The following DLGAP2 variants were observed in gnomAD, a reference collection of about 807,000 sequenced individuals.
The protein encoded by DLGAP2 is disks large-associated protein 2.
Under a neutral mutation model 100.3 loss-of-function variants are expected in DLGAP2, and 26 were observed. The ratio of observed to expected loss-of-function variants is 0.26; its 90% CI spans 0.19 to 0.36. DLGAP2 has a LOEUF of 0.36. DLGAP2 is among the 10% of genes least tolerant of loss of function. The pLI, the probability that DLGAP2 is intolerant of heterozygous loss-of-function variation, is 1.00. For synonymous variants in DLGAP2, 886 were observed against 630.1 expected, an observed-to-expected ratio of 1.41 and a Z score of -6.08; for missense variants, 1,858 against 1,453.2, an observed-to-expected ratio of 1.28 and a Z score of -4.53.
At position 1,335,563 on chromosome 8, in the gene DLGAP2, G is replaced by A. The variant is rs953680867; in HGVS notation, c.106+76680G>A. ...CTAAATGAGCTCAGAGGAGGAGGGC[G>A]ATTGTTGGTAGGGCAGGGTGCGGTG... On this transcript the variant is annotated intron_variant, in intron 3 of 14. Transcript: ENST00000637795. Among the ~76,000 whole-genome samples the A allele has an allele frequency of 7.9e-5, 12 of 152,294 alleles. No individual in the cohort carries two copies. The South Asian group carries it at 1.9e-3, about 24-fold the overall frequency.
chr8:1,644,343 A>G (rs1360761911), intron 8 of DLGAP2, among the ~76,000 whole-genome samples: 1 of 152,136 alleles, frequency 6.6e-6, no homozygotes, highest in Admixed American at 6.5e-5. Flanking sequence ...GTGGGGTTGC[A>G]AACCCCAGTG....
At chr8:1,306,916 A>G (rs902266660) in intron 3 of DLGAP2, among the ~76,000 whole-genome samples, 4 of 152,216 alleles carry the variant, frequency 2.6e-5, no homozygotes, top group Non-Finnish European at 4.4e-5. Context: ...AGACCTAAAC[A>G]TAAGAGCTAA....
At chr8:1,521,844 G>C (rs1470679391) in intron 4 of DLGAP2, among the ~76,000 whole-genome samples, 1 of 147,226 alleles carries the variant, frequency 6.8e-6, no homozygotes, top group African/African-American at 2.5e-5. Context: ...GAATACTCGG[G>C]GGCAGGTGAT....
intron 3 of DLGAP2, among the ~76,000 whole-genome samples, chr8:1,371,147 G>A (rs114450809): frequency 0.011 from 1,665 of 152,354 alleles, 31 homozygotes; most frequent in African/African-American, 0.038. Context: ...GCTCCTCGAG[G>A]AAGAGAGTAA....
chr8:1,471,994 G>A lies in DLGAP2; in HGVS notation c.107-29372G>A, dbSNP rs138030013. ...TTCATTAAATAAACTTGTATTTAGC[G>A]GTGGTCTCTGTGCCAGGCACTACGT... On this transcript the variant is annotated intron_variant, in intron 3 of 14. Transcript: ENST00000637795. 2.5e-3 allele frequency among the ~76,000 whole-genome samples: 377 copies of A among 152,324 alleles called. 7 individuals are homozygous for A. The highest frequency in any genetic ancestry group is 0.023 in the East Asian group (117 of 5,180).
rs1801671070 is a variant in DLGAP2, at chr8:1,549,251, C to T, written c.798C>T (p.His266=). The change falls in exon 5 of 15, where the codon CAC becomes CAT. Residue 266 remains histidine (H), a synonymous_variant. Coordinates refer to ENST00000637795, the MANE Select transcript of DLGAP2 (RefSeq NM_001346810.2). ...AGGCGGACGGCCGGGCGGACGACCA[C>T]CACCACGCCCACCACGCCAAGCACA... ...GTKADGRADD[H]HHAHHAKHSK... is the part of the protein sequence containing the mutation. The T allele has an allele frequency of 6.2e-7, 1 of 1,609,494 alleles. No homozygotes were observed. Among genetic ancestry groups the T allele is most frequent in the Non-Finnish European group, 8.5e-7 (1 of 1,178,800 alleles).
At chr8:1,079,144 T>A (rs1047156998) in intron 2 of DLGAP2, among the ~76,000 whole-genome samples, 7 of 152,190 alleles carry the variant, frequency 4.6e-5, no homozygotes, top group African/African-American at 1.4e-4. Flanking sequence ...ATTTCTTTGG[T>A]GAGAAGTGGT....
intron 3 of DLGAP2, among the ~76,000 whole-genome samples, chr8:1,352,697 A>C (rs540406374): frequency 6.6e-6 from 1 of 152,244 alleles, no homozygotes; most frequent in South Asian, 2.1e-4. Context: ...CCTTCTTTAC[A>C]TGACTTCTCT....
intron 2 of DLGAP2, among the ~76,000 whole-genome samples, chr8:1,240,273 T>C (rs1798757889): frequency 8.9e-6 from 1 of 112,814 alleles, no homozygotes; most frequent in African/African-American, 2.9e-5. Flanking sequence ...GCGCCGTGTC[T>C]AGTTCTGTTA....
chr8:826,623 G>A (rs868298317), intron 1 of DLGAP2, among the ~76,000 whole-genome samples: 1 of 151,924 alleles, frequency 6.6e-6, no homozygotes, highest in Admixed American at 6.6e-5. Flanking sequence ...TGGGAGCCCT[G>A]CCTTCTGCCT....
At chr8:884,333 C>G (rs1452769449) in intron 1 of DLGAP2, among the ~76,000 whole-genome samples, 2 of 152,184 alleles carry the variant, frequency 1.3e-5, no homozygotes, top group South Asian at 2.1e-4. Context: ...AATTGCCATT[C>G]TGACTGGCAT....
chr8:1,433,297 C>T (rs542213761), intron 3 of DLGAP2, among the ~76,000 whole-genome samples: 1 of 152,368 alleles, frequency 6.6e-6, no homozygotes, highest in Admixed American at 6.5e-5. Flanking sequence ...TCCGAAACAA[C>T]CCCTGTACTG....
In DLGAP2 at chr8:1,676,553, T is replaced by C. The variant is rs994574630; in HGVS notation, c.2223T>C (p.Ser741=). 6.2e-7 allele frequency: 1 copy of C among 1,613,498 alleles called. No individual in the cohort carries two copies. The highest frequency in any genetic ancestry group is 1.3e-5 in the African/African-American group (1 of 75,056). ...ATTAGGTGGAAACGGCCACAGATTC[T>C]GACACGGAGAGCCGCGGTCTGCGGG... ...PRSDVETATD[S]DTESRGLREY... is the part of the protein sequence containing the mutation. The change falls in exon 11 of 15, where the codon TCT becomes TCC. Residue 741 remains serine (S), a synonymous_variant. Transcript: ENST00000637795.
At chr8:1,101,243 T>A (rs1195157306) in intron 2 of DLGAP2, among the ~76,000 whole-genome samples, 1 of 152,136 alleles carries the variant, frequency 6.6e-6, no homozygotes, top group Non-Finnish European at 1.5e-5. Context: ...AACAATTCCT[T>A]AAAATCCAAC....
intron 4 of DLGAP2, among the ~76,000 whole-genome samples, chr8:1,541,921 G>C (rs868185607): frequency 5.3e-5 from 8 of 152,204 alleles, no homozygotes; most frequent in African/African-American, 1.7e-4. Flanking sequence ...CGTTAAGTGA[G>C]AATGAAGGCA....
chr8:1,230,759 A>T (rs541235369), intron 2 of DLGAP2, among the ~76,000 whole-genome samples: 1 of 152,338 alleles, frequency 6.6e-6, no homozygotes, highest in East Asian at 1.9e-4. Context: ...CAATGGGGAA[A>T]GGGCTTCTTA....
At chr8:1,050,271 G>A (rs556449316) in intron 2 of DLGAP2, among the ~76,000 whole-genome samples, 8 of 152,334 alleles carry the variant, frequency 5.3e-5, no homozygotes, top group African/African-American at 1.4e-4. Flanking sequence ...CTTTAGGATG[G>A]TTCAAACATG....
intron 2 of DLGAP2, among the ~76,000 whole-genome samples, chr8:1,148,078 G>C (rs925620281): frequency 6.6e-6 from 1 of 152,152 alleles, no homozygotes; most frequent in African/African-American, 2.4e-5. Flanking sequence ...TATTTCTGGA[G>C]AAGCCATCTA....
chr8:1,453,266 C>A (rs1245087361), intron 3 of DLGAP2, among the ~76,000 whole-genome samples: 1 of 152,052 alleles, frequency 6.6e-6, no homozygotes, highest in Non-Finnish European at 1.5e-5. Flanking sequence ...GCCGGTCAGG[C>A]TGGGGAGAAG....
Sources: gnomAD v4.1 joint callset for allele counts (sites outside exome capture counted in the v4.1 genomes callset) on GRCh38, gnomAD v4.1.1 for gene constraint, MANE v1.5 for transcripts, NCBI Gene and HGNC (gene_info 2026-07-23, HGNC 2026-07-21) for gene names.